The following KHDRBS1 variants were observed in gnomAD, a reference collection of about 807,000 sequenced individuals.
The protein encoded by KHDRBS1 is KH RNA binding domain containing, signal transduction associated 1.
Under a neutral mutation model 48.4 loss-of-function variants are expected in KHDRBS1, and 7 were observed. The observed-to-expected ratio is 0.14, with a 90% CI of 0.08 to 0.27. The LOEUF (loss-of-function observed/expected upper bound fraction) is 0.27, where lower values mean the gene tolerates loss of function less well. Among genes scored for constraint, KHDRBS1 ranks in the 10% least tolerant of loss-of-function variants. The pLI is 1.00. For synonymous variants in KHDRBS1, 241 were observed against 235.8 expected, an observed-to-expected ratio of 1.02 and a Z score of -0.20; for missense variants, 458 against 601.2, an observed-to-expected ratio of 0.76 and a Z score of 2.49.
At chr1:32,045,633 G>C (rs1354443667), downstream of KHDRBS1, among the ~76,000 whole-genome samples, 1 of 152,208 alleles carries the variant, frequency 6.6e-6, no homozygotes, top group Non-Finnish European at 1.5e-5. Context: ...TTAATAACCT[G>C]ATGAGGTGGT....
Position 32,037,920 on chromosome 1 carries a change from C to T in KHDRBS1, c.991C>T (p.Arg331Ter). The stretch of plus-strand genomic sequence containing the variant: ...CATCACCAGAGGTGCCACTGTGACT[C>T]GAGGCGTGCCACCCCCACCTACTGT... ...GAITRGATVTRGVPPPPTVRG... is the reference protein window; with the variant it reads ...GAITRGATVT The change falls in exon 6 of 9, where the codon CGA (arginine) becomes TGA (stop). Residue 331 changes from arginine (R) to a stop codon, truncating the protein, a stop_gained. Coordinates refer to ENST00000327300, the MANE Select transcript of KHDRBS1 (RefSeq NM_006559.3). LOFTEE classifies it high-confidence loss of function. 1.2e-6 allele frequency: 2 copies of T among 1,614,226 alleles called. No homozygotes were observed. Among genetic ancestry groups the T allele is most frequent in the Non-Finnish European group, 1.7e-6 (2 of 1,180,040 alleles).
chr1:32,032,395 A>G lies in KHDRBS1; in HGVS notation c.624+755A>G, dbSNP rs941468065. On this transcript the variant is annotated intron_variant, in intron 3 of 8. Transcript: ENST00000327300. Reference sequence around the variant, plus strand: ...ATAGTTACGGCTGAAGTGTGTTCTAACTAATGAGATTTACATGAGCTTTTC... The same window carrying G: ...ATAGTTACGGCTGAAGTGTGTTCTAGCTAATGAGATTTACATGAGCTTTTC... Among the ~76,000 whole-genome samples the G allele has an allele frequency of 2.6e-5, 4 of 152,166 alleles. No individual in the cohort carries two copies. The South Asian group carries it at 6.2e-4, about 24-fold the overall frequency.
At chr1:32,025,249 A>T (rs1299005046) in intron 1 of KHDRBS1, among the ~76,000 whole-genome samples, 1 of 129,020 alleles carries the variant, frequency 7.8e-6, no homozygotes, top group Non-Finnish European at 1.6e-5. Context: ...TGGGTGACAG[A>T]GTGAGACCCT....
intron 1 of KHDRBS1, among the ~76,000 whole-genome samples, chr1:32,019,042 C>T (rs1557888966): frequency 2.0e-5 from 3 of 151,234 alleles, no homozygotes; most frequent in Admixed American, 2.0e-4. Flanking sequence ...TTGCAGTGAG[C>T]CGAGATTGCG....
chr1:32,054,658 A>G (rs958163878), intron 10 of KHDRBS1: 2 of 152,206 alleles, frequency 1.3e-5, no homozygotes, highest in Non-Finnish European at 2.9e-5. Context: ...ATTATGTTCT[A>G]ATTCTGTGCT....
chr1:32,019,441 T>C (rs371614351), intron 1 of KHDRBS1, among the ~76,000 whole-genome samples: 19 of 152,000 alleles, frequency 1.3e-4, no homozygotes, highest in East Asian at 1.2e-3. Flanking sequence ...TGCCGGCTAC[T>C]TGGAAGGCTG....
intron 10 of KHDRBS1, among the ~76,000 whole-genome samples, chr1:32,051,660 C>T (rs929272856): frequency 1.6e-4 from 24 of 152,164 alleles, no homozygotes; most frequent in African/African-American, 5.8e-4. Context: ...CCACAGTTTC[C>T]ATAGAGTCTC....
chr1:32,042,469 G>A (rs1189898024), intron 8 of KHDRBS1, 58 bp from the exon 9 acceptor site: 1 of 1,138,972 alleles, frequency 8.8e-7, no homozygotes. Flanking sequence ...ACCTATCCCT[G>A]CTTATCCCTA....
Position 32,014,209 on chromosome 1 carries a change from A to T in KHDRBS1, c.214A>T (p.Thr72Ser), listed in dbSNP as rs1475786726. 2 of 1,408,968 alleles carry T rather than the reference A, an allele frequency of 1.4e-6. No homozygotes were observed. Among genetic ancestry groups the T allele is most frequent in the Non-Finnish European group, 1.9e-6 (2 of 1,070,686 alleles). 87.3% of individuals were successfully genotyped at this position (1,408,968 alleles called of 1,614,324 possible). Residue 72 changes from threonine (T) to serine (S), a missense_variant, in exon 1 of 9, where the codon ACG (threonine) becomes TCG (serine). Transcript: ENST00000327300. ...QPPPLLPPSA[T>S]GPDATVGGPA... ...GCCACCGCTGCTGCCGCCCTCGGCC[A>T]CGGGTCCCGACGCGACAGTGGGCGG...
At chr1:32,041,074 A>T (rs936326011) in intron 8 of KHDRBS1, among the ~76,000 whole-genome samples, 1 of 152,162 alleles carries the variant, frequency 6.6e-6, no homozygotes, top group African/African-American at 2.4e-5. Flanking sequence ...GAAAAGACCA[A>T]ACTGAAAGAG....
rs1639215633 is a variant in KHDRBS1, at chr1:32,037,946, G to A, written c.1017G>A (p.Val339=). 6.2e-7 allele frequency: 1 copy of A among 1,614,126 alleles called. No homozygotes were observed. The highest frequency in any genetic ancestry group is 1.3e-5 in the African/African-American group (1 of 74,946). Residue 339 remains valine (V), a synonymous_variant, in exon 6 of 9, where the codon GTG becomes GTA. Transcript: ENST00000327300. ...VTRGVPPPPT[V]RGAPAPRART... is the part of the protein sequence containing the mutation. Reference sequence around the variant, plus strand: ...GAGGCGTGCCACCCCCACCTACTGTGAGGGGTGCTCCAGCACCAAGAGCAC... The same window carrying A: ...GAGGCGTGCCACCCCCACCTACTGTAAGGGGTGCTCCAGCACCAAGAGCAC...
chr1:32,052,868 C>A (rs900775443), intron 10 of KHDRBS1: 3 of 152,038 alleles, frequency 2.0e-5, no homozygotes, highest in African/African-American at 7.3e-5. Flanking sequence ...AAACTGAGAC[C>A]AGAAAATTTT....
At position 32,057,624 on chromosome 1, in the gene KHDRBS1, C is replaced by A. The variant is rs529291552; in HGVS notation, n.1302-2539C>A. 8.7e-5 allele frequency among the ~76,000 whole-genome samples: 13 copies of A among 149,470 alleles called. No individual in the cohort carries two copies. In the East Asian group the frequency reaches 2.6e-3, roughly 30 times the overall value. ...GACCATCCTGGCTAACACAGTGAAACCCGTCTCTACTAAAAATACAAAAAA... is the reference window on the plus strand; with the variant it reads ...GACCATCCTGGCTAACACAGTGAAAACCGTCTCTACTAAAAATACAAAAAA... On this transcript the variant is annotated intron_variant and non_coding_transcript_variant, in intron 10 of 10. Transcript: ENST00000484270.
intron 4 of KHDRBS1, 93 bp from the exon 5 acceptor site, chr1:32,036,817 C>T (rs1319803353): frequency 1.5e-6 from 2 of 1,373,806 alleles, no homozygotes; most frequent in African/African-American, 2.9e-5. Context: ...CTCTCAAGAG[C>T]TCTTCTTAGA....
rs1639320336 is a variant in KHDRBS1 at position 32,043,557 on chromosome 1, A to G, written c.*933A>G. On this transcript the variant is annotated 3_prime_UTR_variant, in exon 9 of 9. Transcript: ENST00000327300. ...TCCATTTGAGATTCTGCACTCCATGAAAAGTTCACTTGGACGCTGGGGCCA... is the reference window on the plus strand; with the variant it reads ...TCCATTTGAGATTCTGCACTCCATGGAAAGTTCACTTGGACGCTGGGGCCA... 1.3e-5 allele frequency: 2 copies of G among 152,656 alleles called. No individual in the cohort carries two copies. Among genetic ancestry groups the G allele is most frequent in the African/African-American group, 2.4e-5 (1 of 41,456 alleles). 9.5% of individuals were successfully genotyped at this position (152,656 alleles called of 1,614,324 possible). A position where few individuals can be genotyped will look rare whatever the true frequency, so the allele number is the denominator to read the frequency against.
chr1:32,031,690 C>A, intron 3 of KHDRBS1, 50 bp downstream of exon 3: 1 of 1,183,354 alleles, frequency 8.5e-7, no homozygotes, highest in Non-Finnish European at 1.2e-6. Context: ...CTTCTACTTG[C>A]CCAGAATGCA....
At chr1:32,056,866 A>C (rs773554405) in intron 10 of KHDRBS1, among the ~76,000 whole-genome samples, 7 of 152,236 alleles carry the variant, frequency 4.6e-5, no homozygotes, top group Non-Finnish European at 8.8e-5. Context: ...GACACTGGGG[A>C]TCCAGTGGCC....
Position 32,037,001 on chromosome 1 carries a change from TGA to T in KHDRBS1, c.867_868del (p.Gly290ProfsTer77). ...CCCTCTCGTGGACGTGGGGTGCCAG[TGA>T]GAGGCCGGGGAGCTGCACCTCCTCC... On this transcript the variant is annotated frameshift_variant, in exon 5 of 9. Transcript: ENST00000327300. LOFTEE classifies it high-confidence loss of function. 6.2e-7 allele frequency: 1 copy of T among 1,614,098 alleles called. No individual in the cohort carries two copies. The highest frequency in any genetic ancestry group is 8.5e-7 in the Non-Finnish European group (1 of 1,180,006).
intron 1 of KHDRBS1, among the ~76,000 whole-genome samples, chr1:32,027,542 A>G (rs1467507797): frequency 6.6e-6 from 1 of 152,220 alleles, no homozygotes; most frequent in Non-Finnish European, 1.5e-5. Context: ...TATTCCAAGC[A>G]CTGAAACAGG....
Sources: allele counts gnomAD v4.1 joint callset (sites outside exome capture counted in the v4.1 genomes callset), GRCh38; gene constraint gnomAD v4.1.1; transcripts MANE v1.5; gene names NCBI Gene and HGNC (gene_info 2026-07-23, HGNC 2026-07-21).